The following ATG4A variants were observed in gnomAD, a reference collection of about 807,000 sequenced individuals.
ATG4A encodes the protein autophagy related 4A cysteine peptidase.
Under a neutral mutation model 38.4 loss-of-function variants are expected in ATG4A, and 22 were observed. The observed-to-expected ratio is 0.57, with a 90% CI of 0.41 to 0.82. The LOEUF (loss-of-function observed/expected upper bound fraction) is 0.82. Ranked by LOEUF, ATG4A falls within the 40% of genes least tolerant of loss-of-function variation. The probability of loss-of-function intolerance (pLI) is 0.00; values close to 1 mark genes in which losing one functional copy is unlikely to be tolerated. For missense variants in ATG4A, 220 were observed against 290.0 expected, an observed-to-expected ratio of 0.76 and a Z score of 1.75; for synonymous variants, 86 against 100.7, an observed-to-expected ratio of 0.85 and a Z score of 0.88.
At chrX:108,091,228 T>C (rs189042038), upstream of ATG4A, among the ~76,000 whole-genome samples, 26 of 113,343 alleles carry the variant, frequency 2.3e-4, no homozygotes, top group East Asian at 5.6e-3. Flanking sequence ...CTGAGGTCTG[T>C]GGGGCTAGCT....
At chrX:108,107,011 A>G (rs1307291588) in intron 1 of ATG4A, among the ~76,000 whole-genome samples, 2 of 111,616 alleles carry the variant, frequency 1.8e-5, no homozygotes, top group East Asian at 2.8e-4. Flanking sequence ...ATCATGTTGT[A>G]TACCATAGAT....
chrX:108,135,816 A>C lies in ATG4A; in HGVS notation c.468-1275A>C, dbSNP rs1306505294. On this transcript the variant is annotated intron_variant, in intron 6 of 12. Coordinates refer to ENST00000372232, the MANE Select transcript of ATG4A (RefSeq NM_052936.5). ...TTTTTTTTTTTTAGGACAGAGTCTC[A>C]CTCTGTCGCCCAGGCTGGAGTGCAG... Among the ~76,000 whole-genome samples, 11 of 105,516 alleles carry C rather than the reference A, an allele frequency of 1.0e-4. No individual in the cohort carries two copies. In the South Asian group the frequency reaches 4.9e-3, roughly 47 times the overall value. 91.6% of individuals were successfully genotyped at this position (105,516 alleles called of 115,157 possible). A position where few individuals can be genotyped will look rare whatever the true frequency, so the allele number is the denominator to read the frequency against.
chrX:108,091,632 C>G (rs1417656091), upstream of ATG4A: 19 of 939,933 alleles, frequency 2.0e-5, no homozygotes, highest in Non-Finnish European at 2.9e-5. Flanking sequence ...CGGCCTTCCT[C>G]GTTCCCTTTT....
chrX:108,101,840 C>T (rs13441220), intron 1 of ATG4A, among the ~76,000 whole-genome samples: 1 of 108,993 alleles, frequency 9.2e-6, no homozygotes, highest in African/African-American at 3.3e-5. Context: ...ATTTACCCTT[C>T]TGTGTCTGGC....
intron 9 of ATG4A, among the ~76,000 whole-genome samples, chrX:108,140,994 A>G (rs2033242132): frequency 2.3e-5 from 2 of 87,483 alleles, no homozygotes; most frequent in African/African-American, 9.1e-5. Flanking sequence ...ATACGTATAT[A>G]TATACATATA....
At chrX:108,141,273 G>A (rs959166410) in intron 9 of ATG4A, among the ~76,000 whole-genome samples, 1 of 104,495 alleles carries the variant, frequency 9.6e-6, no homozygotes. Context: ...CTTTGTTCAT[G>A]GGCCCATTGG....
upstream of ATG4A, among the ~76,000 whole-genome samples, chrX:108,090,268 A>G (rs1190715017): frequency 1.8e-5 from 2 of 111,861 alleles, no homozygotes; most frequent in Non-Finnish European, 3.8e-5. Flanking sequence ...TGTCTCCCAA[A>G]TGTCTTTTTG....
Position 108,128,791 on chromosome X carries a change from G to A in ATG4A, c.132G>A (p.Lys44=), listed in dbSNP as rs775209863. The change falls in exon 3 of 13, where the codon AAG becomes AAA. Residue 44 remains lysine (K), a synonymous_variant. Coordinates refer to ENST00000372232, the MANE Select transcript of ATG4A (RefSeq NM_052936.5). ...KQHLLKTEKS[K]LLSDISARLW... ...TACATTTAATTACAGAAAAATCTAAGCTGTTGTCTGATATAAGTGCTCGTC... is the reference window on the plus strand; with the variant it reads ...TACATTTAATTACAGAAAAATCTAAACTGTTGTCTGATATAAGTGCTCGTC... The A allele has an allele frequency of 1.1e-5, 13 of 1,169,176 alleles. No individual in the cohort carries two copies. In the South Asian group the frequency reaches 2.4e-4, roughly 21 times the overall value.
At chrX:108,149,076 G>C (rs1339178819) in intron 9 of ATG4A, among the ~76,000 whole-genome samples, 1 of 112,877 alleles carries the variant, frequency 8.9e-6, no homozygotes, top group African/African-American at 3.2e-5. Context: ...GTTTATGACA[G>C]AAAAATGTTA....
chrX:108,103,757 T>A (rs1284818483), intron 1 of ATG4A, among the ~76,000 whole-genome samples: 1 of 112,741 alleles, frequency 8.9e-6, no homozygotes, highest in Non-Finnish European at 1.9e-5. Flanking sequence ...CTTTACTCTT[T>A]TATATTATCC....
At chrX:108,107,401 T>C (rs1389492778) in intron 1 of ATG4A, among the ~76,000 whole-genome samples, 1 of 112,405 alleles carries the variant, frequency 8.9e-6, no homozygotes, top group African/African-American at 3.2e-5. Context: ...TGCTGAGACT[T>C]TCTTTTTATA....
rs189629908 is a variant in ATG4A at position 108,132,744 on chromosome X, C to T, written c.293-1313C>T. Among the ~76,000 whole-genome samples the T allele has an allele frequency of 8.8e-5, 9 of 102,474 alleles. No individual in the cohort carries two copies. The East Asian group carries it at 2.4e-3, about 28-fold the overall frequency. The allele number at this position is 102,474 out of a possible 115,157, so 89.0% of individuals were successfully genotyped here. On this transcript the variant is annotated intron_variant, in intron 4 of 12. Transcript: ENST00000372232. ...TATTTAATTTTTTTTTCATTTATAA[C>T]ACACTTCAAAATGATTATTTTGGAA...
chrX:108,092,007 A>G, intron 1 of ATG4A, 171 bp downstream of exon 1: 4 of 863,730 alleles, frequency 4.6e-6, no homozygotes, highest in Non-Finnish European at 6.4e-6. Flanking sequence ...CGGAAGGGAC[A>G]AGGGTTGGAG....
intron 6 of ATG4A, 81 bp downstream of exon 6, chrX:108,134,492 C>T: frequency 5.4e-6 from 5 of 925,188 alleles, no homozygotes; most frequent in Non-Finnish European, 6.1e-6. Flanking sequence ...TCCCATCAAC[C>T]GAGGTATTCT....
chrX:108,099,515 AT>A (rs377246839), intron 1 of ATG4A, among the ~76,000 whole-genome samples: 1 of 111,083 alleles, frequency 9.0e-6, no homozygotes, highest in African/African-American at 3.3e-5. Context: ...CAACTTATTG[AT>A]TTTTTTCCCT....
chrX:108,143,060 T>TA (rs2033343293), intron 9 of ATG4A, among the ~76,000 whole-genome samples: 1 of 112,254 alleles, frequency 8.9e-6, no homozygotes, highest in Admixed American at 9.4e-5. Context: ...ACCCAAATAC[T>TA]ATTACATGAA....
chrX:108,090,668 A>C (rs1359578300), upstream of ATG4A, among the ~76,000 whole-genome samples: 1 of 112,065 alleles, frequency 8.9e-6, no homozygotes, highest in African/African-American at 3.2e-5. Flanking sequence ...CCATCTATAA[A>C]TATTTGTGGG....
At chrX:108,089,114 C>T (rs746407633), upstream of ATG4A, among the ~76,000 whole-genome samples, 2 of 112,464 alleles carry the variant, frequency 1.8e-5, no homozygotes, top group African/African-American at 3.2e-5. Flanking sequence ...GATTTCAATG[C>T]TTTGACAGAA....
intron 1 of ATG4A, among the ~76,000 whole-genome samples, chrX:108,102,814 G>T (rs972534577): frequency 2.0e-4 from 22 of 109,493 alleles, no homozygotes; most frequent in African/African-American, 7.3e-4. Context: ...AGTTGGGCTG[G>T]ATCTTTGCCC....
Sources: allele counts gnomAD v4.1 joint callset (sites outside exome capture counted in the v4.1 genomes callset), GRCh38; gene constraint gnomAD v4.1.1; transcripts MANE v1.5; gene names NCBI Gene and HGNC (gene_info 2026-07-23, HGNC 2026-07-21).